The following AGAP1 variants were observed in gnomAD, a reference collection of about 807,000 sequenced individuals.
AGAP1 encodes ArfGAP with GTPase domain, ankyrin repeat and PH domain 1.
AGAP1 carries 29 observed loss-of-function variants against 105.3 expected under a neutral mutation model. The observed-to-expected ratio is 0.28, with a 90% CI of 0.21 to 0.38. The LOEUF is 0.38. Among genes scored for constraint, AGAP1 ranks in the 10% least tolerant of loss-of-function variants. The pLI, the probability that AGAP1 is intolerant of heterozygous loss-of-function variation, is 1.00. For missense variants in AGAP1, 998 were observed against 1,165.1 expected, an observed-to-expected ratio of 0.86 and a Z score of 2.09; for synonymous variants, 509 against 485.9, an observed-to-expected ratio of 1.05 and a Z score of -0.63.
At chr2:235,797,983 TCA>T (rs1957321131) in intron 7 of AGAP1, 97 bp downstream of exon 7, 1 of 1,452,260 alleles carries the variant, frequency 6.9e-7, no homozygotes, top group South Asian at 1.3e-5. Flanking sequence ...TTTTTTCTTT[TCA>T]ACTTTATAAG....
chr2:235,540,148 CTTTTTTTTTT>C (rs535395155), intron 1 of AGAP1, among the ~76,000 whole-genome samples: 1 of 129,112 alleles, frequency 7.7e-6, no homozygotes, highest in Non-Finnish European at 1.6e-5. Context: ...CCTCTCTCCT[CTTTTTTTTTT>C]TTTTTTTTTT....
At chr2:235,825,535 A>G (rs1473145980) in intron 9 of AGAP1, among the ~76,000 whole-genome samples, 1 of 152,202 alleles carries the variant, frequency 6.6e-6, no homozygotes, top group Non-Finnish European at 1.5e-5. Context: ...TGGGGCAAAA[A>G]TCATGTGCAT....
At chr2:235,805,429 A>T (rs879650144) in intron 8 of AGAP1, among the ~76,000 whole-genome samples, 1 of 152,132 alleles carries the variant, frequency 6.6e-6, no homozygotes, top group Non-Finnish European at 1.5e-5. Flanking sequence ...TAATTTTTTT[A>T]AAGTTTGTTT....
intron 1 of AGAP1, among the ~76,000 whole-genome samples, chr2:235,542,627 A>C (rs185344572): frequency 1.3e-5 from 2 of 152,382 alleles, no homozygotes; most frequent in African/African-American, 4.8e-5. Context: ...CATATTTTAC[A>C]TGTACAATCA....
chr2:235,607,903 A>G (rs1214383864), intron 1 of AGAP1, among the ~76,000 whole-genome samples: 1 of 152,218 alleles, frequency 6.6e-6, no homozygotes. Context: ...GTTGTGTTCT[A>G]CCAAAACAAA....
chr2:235,833,261 C>T (rs1485423882), intron 9 of AGAP1, among the ~76,000 whole-genome samples: 2 of 152,208 alleles, frequency 1.3e-5, no homozygotes, highest in Admixed American at 6.5e-5. Context: ...CTGGCGTAGG[C>T]ACGGGAGCGG....
chr2:236,062,761 A>G lies in AGAP1; in HGVS notation c.2114+13480A>G, dbSNP rs2058237705. Among the ~76,000 whole-genome samples, 1 of 152,144 alleles carries G rather than the reference A, an allele frequency of 6.6e-6. No homozygotes were observed. Among genetic ancestry groups the G allele is most frequent in the Non-Finnish European group, 1.5e-5 (1 of 68,028 alleles). On this transcript the variant is annotated intron_variant, in intron 16 of 17. Transcript: ENST00000304032. This position sits in a 1 kb window ranked among gnomAD's most constrained non-coding sequence, Gnocchi z 4.2. ...ACTGCAACCTCCACCTCCTGGGTTC[A>G]AGCAAATTCTCTGCCTCAGCCTCCC...
chr2:235,914,365 G>A (rs1254228689), intron 11 of AGAP1, among the ~76,000 whole-genome samples: 1 of 152,092 alleles, frequency 6.6e-6, no homozygotes, highest in African/African-American at 2.4e-5. Context: ...GTGGGGGGAG[G>A]ACAAGACGTC....
intron 13 of AGAP1, among the ~76,000 whole-genome samples, chr2:236,024,270 C>G (rs957002339): frequency 8.5e-5 from 13 of 152,048 alleles, no homozygotes; most frequent in Non-Finnish European, 1.5e-4. Context: ...CTCTTGAGCT[C>G]AGGCAATCCA....
chr2:235,853,269 A>G, intron 9 of AGAP1: 1 of 968,552 alleles, frequency 1.0e-6, no homozygotes, highest in Non-Finnish European at 1.2e-6. Context: ...GGCTCCCCCT[A>G]CTCTGCTTCA....
rs1361842714 is a variant in AGAP1, at chr2:236,036,483, G to A, written c.1646-78G>A. 9 of 1,557,984 alleles carry A rather than the reference G, an allele frequency of 5.8e-6. No homozygotes were observed. Among genetic ancestry groups the A allele is most frequent in the South Asian group, 2.5e-5 (2 of 81,548 alleles). ...TGCAGGGGCAGCTGAACCCAGAGGC[G>A]CTTCTGTGACAGAGGGCCCGCAGGG... On this transcript the variant is annotated intron_variant, in intron 13 of 17. Transcript: ENST00000304032. This position sits in a 1 kb window ranked among gnomAD's most constrained non-coding sequence, Gnocchi z 5.7.
rs1299874192 is a variant in AGAP1 at position 235,877,450 on chromosome 2, G to A, written c.1051-5895G>A. Among the ~76,000 whole-genome samples the A allele has an allele frequency of 1.3e-5, 2 of 152,212 alleles. No homozygotes were observed. Among genetic ancestry groups the A allele is most frequent in the South Asian group, 2.1e-4 (1 of 4,814 alleles). ...GTCAGCTGCCTCGTGACCGTATCAC[G>A]TGGTGACCCCAGTCTCTTCCTTTCC... On this transcript the variant is annotated intron_variant, in intron 9 of 17. Transcript: ENST00000304032. This position sits in a 1 kb window ranked among gnomAD's most constrained non-coding sequence, Gnocchi z 4.3.
intron 16 of AGAP1, among the ~76,000 whole-genome samples, chr2:236,115,865 C>T (rs185643747): frequency 1.9e-3 from 285 of 152,036 alleles, no homozygotes; most frequent in Non-Finnish European, 3.6e-3. Context: ...AGTGCAGTGG[C>T]GCAATCTTGG....
At chr2:235,650,769 A>G (rs1947556558) in intron 1 of AGAP1, among the ~76,000 whole-genome samples, 1 of 152,178 alleles carries the variant, frequency 6.6e-6, no homozygotes, top group Non-Finnish European at 1.5e-5. Flanking sequence ...GCTTCAAGTA[A>G]AACTCTAGAA....
At position 235,725,047 on chromosome 2, in the gene AGAP1, A is replaced by T. The variant is rs950524102; in HGVS notation, c.310+7403A>T. 6.6e-6 allele frequency among the ~76,000 whole-genome samples: 1 copy of T among 152,120 alleles called. No individual in the cohort carries two copies. Among genetic ancestry groups the T allele is most frequent in the African/African-American group, 2.4e-5 (1 of 41,422 alleles). ...GTCAGGCTGTGCTGCACTGAGGCTG[A>T]AGGGTTCTGGGATTTTCCACTGTGT... On this transcript the variant is annotated intron_variant, in intron 3 of 17. Transcript: ENST00000304032. This position sits in a 1 kb window ranked among gnomAD's most constrained non-coding sequence, Gnocchi z 5.7.
At chr2:235,806,677 G>A (rs1424926208) in intron 8 of AGAP1, among the ~76,000 whole-genome samples, 1 of 152,022 alleles carries the variant, frequency 6.6e-6, no homozygotes, top group Non-Finnish European at 1.5e-5. Flanking sequence ...ATTATTTTTT[G>A]TGGTATTGTC....
intron 13 of AGAP1, among the ~76,000 whole-genome samples, chr2:236,004,886 A>G (rs2056264398): frequency 6.6e-6 from 1 of 152,230 alleles, no homozygotes; most frequent in East Asian, 1.9e-4. Flanking sequence ...TATGTACTCC[A>G]AGCTATCAAA....
chr2:235,901,749 C>T lies in AGAP1; in HGVS notation c.1156-6989C>T, dbSNP rs2051074494. On this transcript the variant is annotated intron_variant, in intron 10 of 17. Transcript: ENST00000304032. This position sits in a 1 kb window ranked among gnomAD's most constrained non-coding sequence, Gnocchi z 4.3. ...TACAGAAATTAGGTGAGCATAGGAA[C>T]GTGCCTGTAATCCCAGCTACTCAGG... Among the ~76,000 whole-genome samples, 1 of 152,038 alleles carries T rather than the reference C, an allele frequency of 6.6e-6. No homozygotes were observed.
At chr2:235,926,379 C>T (rs1229624666) in intron 11 of AGAP1, among the ~76,000 whole-genome samples, 3 of 152,174 alleles carry the variant, frequency 2.0e-5, no homozygotes, top group South Asian at 2.1e-4. Flanking sequence ...ACACATGGCA[C>T]GAGATGCTCC....
Sources: gnomAD v4.1 joint callset for allele counts (sites outside exome capture counted in the v4.1 genomes callset) on GRCh38, gnomAD v4.1.1 for gene constraint, Gnocchi (gnomAD v3.1) non-coding constraint, MANE v1.5 for transcripts, NCBI Gene and HGNC (gene_info 2026-07-23, HGNC 2026-07-21) for gene names.